The following BCAS3 variants were observed in gnomAD, a reference collection of about 807,000 sequenced individuals.
BCAS3 encodes BCAS3 microtubule associated cell migration factor, also known as BCAS4/BCAS3 fusion.
A neutral mutation model predicts 116.1 loss-of-function variants in BCAS3; 53 were observed. The observed-to-expected ratio is 0.46, with a 90% CI of 0.37 to 0.57. The LOEUF (loss-of-function observed/expected upper bound fraction) is 0.57, where lower values mean the gene tolerates loss of function less well. BCAS3 is among the 20% of genes least tolerant of loss of function. The pLI, the probability that BCAS3 is intolerant of heterozygous loss-of-function variation, is 0.00. For missense variants in BCAS3, 917 were observed against 1,165.4 expected (o/e 0.79, Z 3.10); for synonymous variants, 391 against 408.2 (o/e 0.96, Z 0.51).
At chr17:60,754,335 G>T (rs2042786967) in intron 6 of BCAS3, among the ~76,000 whole-genome samples, 1 of 152,074 alleles carries the variant, frequency 6.6e-6, no homozygotes, top group Admixed American at 6.6e-5. Flanking sequence ...CCTCCAAGTA[G>T]CTGAGACCAC....
chr17:60,998,471 C>T (rs1293731761), intron 15 of BCAS3, among the ~76,000 whole-genome samples: 1 of 152,158 alleles, frequency 6.6e-6, no homozygotes, highest in African/African-American at 2.4e-5. Context: ...ACCAACAGTG[C>T]ATAAGTATTC....
rs116956650 is a variant in BCAS3 at position 61,258,644 on chromosome 17, A to G, written c.2426-109683A>G. On this transcript the variant is annotated intron_variant, in intron 22 of 23. Coordinates refer to ENST00000407086, the MANE Select transcript of BCAS3 (RefSeq NM_017679.5). The surrounding 1 kb of genome is among the most constrained non-coding windows in gnomAD (Gnocchi z 4.7). The stretch of plus-strand genomic sequence containing the variant: ...ATAATACAACATTGATTAAGTAAGT[A>G]GACTGATGTTCACTCCTTATTGCAT... 6.6e-6 allele frequency among the ~76,000 whole-genome samples: 1 copy of G among 152,370 alleles called. No homozygotes were observed. Among genetic ancestry groups the G allele is most frequent in the East Asian group, 1.9e-4 (1 of 5,194 alleles).
At chr17:60,763,260 C>A (rs1251122990) in intron 6 of BCAS3, among the ~76,000 whole-genome samples, 1 of 152,164 alleles carries the variant, frequency 6.6e-6, no homozygotes, top group Non-Finnish European at 1.5e-5. Context: ...GAGAGGGCAT[C>A]CCTGTCTTGT....
rs138626020 is a variant in BCAS3 at position 61,192,916 on chromosome 17, T to G, written c.2425+108352T>G. Among the ~76,000 whole-genome samples the G allele has an allele frequency of 3.7e-3, 561 of 152,322 alleles. 3 individuals carry two copies. Among genetic ancestry groups the G allele is most frequent in the African/African-American group, 0.013 (538 of 41,586 alleles). ...TTGTTCGCTGGCAATTAAAGCATAT[T>G]CAAGACAAATATTGAGATACTGAGT... On this transcript the variant is annotated intron_variant, in intron 22 of 23. Coordinates refer to ENST00000407086, the MANE Select transcript of BCAS3 (RefSeq NM_017679.5).
intron 22 of BCAS3, among the ~76,000 whole-genome samples, chr17:61,317,087 G>A (rs1215427370): frequency 6.6e-6 from 1 of 152,226 alleles, no homozygotes; most frequent in African/African-American, 2.4e-5. Flanking sequence ...AAAGTTTAGG[G>A]TTCTAAAGAG....
intron 22 of BCAS3, among the ~76,000 whole-genome samples, chr17:61,283,892 T>C (rs899154017): frequency 6.6e-6 from 1 of 152,204 alleles, no homozygotes; most frequent in Non-Finnish European, 1.5e-5. Flanking sequence ...GCCCCCCAAG[T>C]AGCTGAGACA....
In BCAS3 at chr17:60,739,545, G is replaced by A. The variant is rs1410241337; in HGVS notation, c.322-7653G>A. On this transcript the variant is annotated intron_variant, in intron 5 of 23. Coordinates refer to ENST00000407086, the MANE Select transcript of BCAS3 (RefSeq NM_017679.5). ...TGAGGCAGGAGAATCGCTTGAATTCGGGAGGCAGAGGTTGCAGTGAGCTGA... is the reference window on the plus strand; with the variant it reads ...TGAGGCAGGAGAATCGCTTGAATTCAGGAGGCAGAGGTTGCAGTGAGCTGA... Among the ~76,000 whole-genome samples, 9 of 152,078 alleles carry A rather than the reference G, an allele frequency of 5.9e-5. No individual in the cohort carries two copies. The East Asian group carries it at 1.2e-3, about 20-fold the overall frequency.
At chr17:60,929,931 G>A (rs2059560300) in intron 13 of BCAS3, among the ~76,000 whole-genome samples, 2 of 151,720 alleles carry the variant, frequency 1.3e-5, no homozygotes, top group African/African-American at 4.9e-5. Flanking sequence ...AGTATTCCAT[G>A]GTGTATATGT....
rs900404864 is a variant in BCAS3 at position 61,140,174 on chromosome 17, T to C, written c.2425+55610T>C. 1.3e-5 allele frequency among the ~76,000 whole-genome samples: 2 copies of C among 151,698 alleles called. No homozygotes were observed. The highest frequency in any genetic ancestry group is 2.9e-5 in the Non-Finnish European group (2 of 67,914). On this transcript the variant is annotated intron_variant, in intron 22 of 23. Coordinates refer to ENST00000407086, the MANE Select transcript of BCAS3 (RefSeq NM_017679.5). This position sits in a 1 kb window ranked among gnomAD's most constrained non-coding sequence, Gnocchi z 4.2. ...ATCACTGGAACCCAGAAGGCGGAGG[T>C]TGCAGTGAGTCAGGATCACACCACT...
At chr17:60,848,708 T>A (rs1483938215) in intron 7 of BCAS3, among the ~76,000 whole-genome samples, 1 of 150,754 alleles carries the variant, frequency 6.6e-6, no homozygotes, top group Non-Finnish European at 1.5e-5. Flanking sequence ...CCTTCTTTAT[T>A]TTTTTTTTAA....
At position 61,213,164 on chromosome 17, in the gene BCAS3, T is replaced by G. The variant is rs1440726242; in HGVS notation, c.2425+128600T>G. The stretch of plus-strand genomic sequence containing the variant: ...TGTTATATATATATTTTTGTTTGTT[T>G]GTTTGTTTTTTGTTTTTTGTTTTGA... On this transcript the variant is annotated intron_variant, in intron 22 of 23. Coordinates refer to ENST00000407086, the MANE Select transcript of BCAS3 (RefSeq NM_017679.5). The surrounding 1 kb of genome is among the most constrained non-coding windows in gnomAD (Gnocchi z 5.4). Among the ~76,000 whole-genome samples, 1 of 152,084 alleles carries G rather than the reference T, an allele frequency of 6.6e-6. No homozygotes were observed. Among genetic ancestry groups the G allele is most frequent in the Non-Finnish European group, 1.5e-5 (1 of 68,014 alleles).
At chr17:61,176,138 C>CAAAAAAAAAAAAAAAAAAA (rs534042215) in intron 22 of BCAS3, among the ~76,000 whole-genome samples, 1 of 50,038 alleles carries the variant, frequency 2.0e-5, no homozygotes, top group Non-Finnish European at 4.1e-5. Context: ...GACCCTATCT[C>CAAAAAAAAAAAAAAAAAAA]AAAAAAAAAA....
chr17:60,708,895 G>A (rs990067312), intron 4 of BCAS3, among the ~76,000 whole-genome samples: 4 of 152,058 alleles, frequency 2.6e-5, no homozygotes, highest in African/African-American at 7.2e-5. Flanking sequence ...CTGGCCTCAG[G>A]TGATCCTTCT....
chr17:61,390,282 C>G lies in BCAS3; in HGVS notation c.2594-1695C>G, dbSNP rs889312198. The G allele has an allele frequency of 6.6e-6, 1 of 152,314 alleles. No individual in the cohort carries two copies. Among genetic ancestry groups the G allele is most frequent in the African/African-American group, 2.4e-5 (1 of 41,452 alleles). The allele number at this position is 152,314 out of a possible 1,614,324, so 9.4% of individuals were successfully genotyped here. A position where few individuals can be genotyped will look rare whatever the true frequency, so the allele number is the denominator to read the frequency against. On this transcript the variant is annotated intron_variant, in intron 23 of 23. Coordinates refer to ENST00000407086, the MANE Select transcript of BCAS3 (RefSeq NM_017679.5). This position sits in a 1 kb window ranked among gnomAD's most constrained non-coding sequence, Gnocchi z 6.8. ...CTCTTGGCTTTACCACCCTCTCCAT[C>G]TCATGGCACGATGGCCTGTCCCCCC... is the stretch of plus-strand genomic sequence containing the variant.
At chr17:60,775,582 CTT>C (rs5821297) in intron 6 of BCAS3, among the ~76,000 whole-genome samples, 7 of 148,120 alleles carry the variant, frequency 4.7e-5, no homozygotes, top group Admixed American at 1.3e-4. Flanking sequence ...TTCAGAATTT[CTT>C]TTTTTTTTTC....
intron 14 of BCAS3, among the ~76,000 whole-genome samples, chr17:60,987,719 T>C (rs2063235032): frequency 6.6e-6 from 1 of 152,106 alleles, no homozygotes; most frequent in African/African-American, 2.4e-5. Flanking sequence ...ATCAGTTCTG[T>C]TAGTTTTTTG....
rs112967176 is a variant in BCAS3 at position 60,790,984 on chromosome 17, C to T, written c.404-17020C>T. Reference sequence around the variant, plus strand: ...CTTGAACTCCTGACCTCAGGTGATCCACCTGCCTCGACCTCCCAAAGTGCT... The same window carrying T: ...CTTGAACTCCTGACCTCAGGTGATCTACCTGCCTCGACCTCCCAAAGTGCT... On this transcript the variant is annotated intron_variant, in intron 6 of 23. Transcript: ENST00000407086. Among the ~76,000 whole-genome samples the T allele has an allele frequency of 6.0e-3, 918 of 152,118 alleles. 4 individuals carry two copies. Among genetic ancestry groups the T allele is most frequent in the African/African-American group, 0.021 (869 of 41,488 alleles).
At chr17:61,291,691 G>C (rs1350174811) in intron 22 of BCAS3, among the ~76,000 whole-genome samples, 6 of 152,156 alleles carry the variant, frequency 3.9e-5, no homozygotes, top group Non-Finnish European at 7.3e-5. Flanking sequence ...TTTGTGCTTC[G>C]TGTACACTTT....
chr17:60,894,808 G>T (rs2057401503), intron 10 of BCAS3, among the ~76,000 whole-genome samples: 3 of 152,060 alleles, frequency 2.0e-5, no homozygotes, highest in African/African-American at 7.2e-5. Flanking sequence ...GCTTTTTCTT[G>T]TATCTATTGA....
Sources: gnomAD v4.1 joint callset for allele counts (sites outside exome capture counted in the v4.1 genomes callset) on GRCh38, gnomAD v4.1.1 for gene constraint, Gnocchi (gnomAD v3.1) non-coding constraint, MANE v1.5 for transcripts, NCBI Gene and HGNC (gene_info 2026-07-23, HGNC 2026-07-21) for gene names.